MLKL: variants seen among roughly 807,000 people sequenced by gnomAD.
MLKL encodes mixed lineage kinase domain-like protein.
Under a neutral mutation model 56.5 loss-of-function variants are expected in MLKL, and 55 were observed. The ratio of observed to expected loss-of-function variants is 0.97; its 90% confidence interval spans 0.78 to 1.22. The LOEUF (loss-of-function observed/expected upper bound fraction) is 1.22, where lower values mean the gene tolerates loss of function less well. Among genes scored for constraint, MLKL ranks in the 50% most tolerant of loss-of-function variants. MLKL has a pLI of 0.00. For synonymous variants in MLKL, 251 were observed against 208.3 expected, an observed-to-expected ratio of 1.20 and a Z score of -1.76; for missense variants, 694 against 573.9, an observed-to-expected ratio of 1.21 and a Z score of -2.14.
intron 7 of MLKL, chr16:74,678,340 G>A (rs898768105): frequency 1.9e-5 from 3 of 155,516 alleles, no homozygotes; most frequent in African/African-American, 7.2e-5. Flanking sequence ...CATCTAAGGG[G>A]AAATGACTTG....
In MLKL at chr16:74,678,997, C is replaced by T. The variant is rs772401816; in HGVS notation, c.957-17G>A. On this transcript the variant is annotated splice_polypyrimidine_tract_variant and intron_variant, in intron 6 of 10. Coordinates refer to ENST00000308807, the MANE Select transcript of MLKL (RefSeq NM_152649.4). ...TGGTGTAGCCTGACACAGCCAAAGG[C>T]GGGGAGCATAAGTACCTTTGCCCAA... is the stretch of plus-strand genomic sequence containing the variant. 21 of 1,610,742 alleles carry T rather than the reference C, an allele frequency of 1.3e-5. No homozygotes were observed. The highest frequency in any genetic ancestry group is 6.6e-5 in the South Asian group (6 of 90,970).
chr16:74,689,210 G>T (rs138311906), intron 4 of MLKL, among the ~76,000 whole-genome samples: 1 of 151,714 alleles, frequency 6.6e-6, no homozygotes, highest in Non-Finnish European at 1.5e-5. Flanking sequence ...GGCCTCCAAG[G>T]TTCAAGTGAT....
In MLKL at chr16:74,691,427, T is replaced by C. The variant is rs770169241; in HGVS notation, c.572A>G (p.Glu191Gly). The part of the protein sequence containing the change: ...PPKCMQEIPQ[E>G]QIKEIKKEQL... The stretch of plus-strand genomic sequence containing the variant: ...CTCCTTCTTGATCTCCTTGATTTGC[T>C]CTTGCGGGATCTCCTGCATGCATTT... Residue 191 changes from glutamate to glycine, a missense_variant, in exon 4 of 11, where the codon GAG becomes GGG. By Grantham distance (98) the Glu-to-Gly change is moderately conservative. Transcript: ENST00000308807. The C allele has an allele frequency of 2.0e-5, 33 of 1,613,878 alleles. No homozygotes were observed. The highest frequency in any genetic ancestry group is 2.2e-5 in the Non-Finnish European group (26 of 1,180,010).
intron 4 of MLKL, among the ~76,000 whole-genome samples, chr16:74,689,570 T>C (rs1960545447): frequency 6.6e-6 from 1 of 152,192 alleles, no homozygotes; most frequent in Non-Finnish European, 1.5e-5. Flanking sequence ...TTGATATTTA[T>C]TCAGCTAAGT....
At chr16:74,693,672 A>T (rs1026698083) in intron 2 of MLKL, among the ~76,000 whole-genome samples, 3 of 146,018 alleles carry the variant, frequency 2.1e-5, no homozygotes, top group Non-Finnish European at 4.5e-5. Context: ...GAGCGATCTC[A>T]GCTCACTGCA....
At chr16:74,693,907 T>C (rs952750780) in intron 2 of MLKL, among the ~76,000 whole-genome samples, 2 of 152,068 alleles carry the variant, frequency 1.3e-5, no homozygotes, top group African/African-American at 4.8e-5. Flanking sequence ...CTGGCCGAAA[T>C]GGTAAATTTT....
intron 1 of MLKL, among the ~76,000 whole-genome samples, chr16:74,698,836 G>A (rs547053463): frequency 7.2e-5 from 11 of 152,218 alleles, no homozygotes; most frequent in Non-Finnish European, 1.2e-4. Context: ...AAATTGCAGC[G>A]GTCACATTGG....
Position 74,682,663 on chromosome 16 carries a change from C to A in MLKL, c.944G>T (p.Arg315Leu). The A allele has an allele frequency of 1.2e-6, 2 of 1,614,108 alleles. No individual in the cohort carries two copies. Among genetic ancestry groups the A allele is most frequent in the Non-Finnish European group, 1.7e-6 (2 of 1,180,022 alleles). Residue 315 changes from arginine to leucine, a missense_variant, in exon 6 of 11, where the codon CGA becomes CTA. Coordinates refer to ENST00000308807, the MANE Select transcript of MLKL (RefSeq NM_152649.4). ...CACCCCGTCTTACCGGTATAGGCCTCGGGCTGCCCCCAGGACTAGGACCAT... is the reference window on the plus strand; with the variant it reads ...CACCCCGTCTTACCGGTATAGGCCTAGGGCTGCCCCCAGGACTAGGACCAT... The part of the protein sequence containing the change: ...KRMVLVLGAA[R>L]GLYRLHHSEA...
At chr16:74,694,386 T>G (rs573479133) in intron 2 of MLKL, among the ~76,000 whole-genome samples, 28 of 152,168 alleles carry the variant, frequency 1.8e-4, no homozygotes, top group African/African-American at 6.5e-4. Context: ...GGAGGGAGAT[T>G]TACTTCTCAC....
At position 74,674,990 on chromosome 16, in the gene MLKL, G is replaced by A. The variant is rs773746539; in HGVS notation, c.1351C>T (p.His451Tyr). ...ACAGAGGGCCGCACAGAGGGATCAT[G>A]GGCCCGGCACTCATCAATGATCTCC... ...LREIIDECRAHDPSVRPSVDE... is the reference protein window; with the variant it reads ...LREIIDECRAYDPSVRPSVDE... The change falls in exon 10 of 11, where the codon CAT (histidine) becomes TAT (tyrosine). Residue 451 changes from histidine (H) to tyrosine (Y), a missense_variant. Physicochemically the swap from His to Tyr is moderately conservative, Grantham distance 83. Coordinates refer to ENST00000308807, the MANE Select transcript of MLKL (RefSeq NM_152649.4). 8.1e-6 allele frequency: 13 copies of A among 1,614,044 alleles called. No homozygotes were observed. Among genetic ancestry groups the A allele is most frequent in the Non-Finnish European group, 1.1e-5 (13 of 1,180,040 alleles).
At chr16:74,694,358 A>C (rs900954889) in intron 2 of MLKL, among the ~76,000 whole-genome samples, 1 of 152,190 alleles carries the variant, frequency 6.6e-6, no homozygotes, top group Non-Finnish European at 1.5e-5. Flanking sequence ...AAAGGGAAAC[A>C]GGGGCCCCTG....
At chr16:74,674,914 G>A (rs2144441747) in intron 10 of MLKL, 46 bp downstream of exon 10, 2 of 1,582,848 alleles carry the variant, frequency 1.3e-6, no homozygotes, top group Non-Finnish European at 8.6e-7. Context: ...TCACAAGTGT[G>A]AAATAATGAT....
intron 7 of MLKL, chr16:74,678,384 G>T (rs77628748): frequency 0.031 from 4,854 of 157,730 alleles, 94 homozygotes; most frequent in Middle Eastern, 0.087. Context: ...AGTGAGGGAA[G>T]GCAGTCATCA....
In MLKL at chr16:74,695,301, T is replaced by G. The variant is rs751660254; in HGVS notation, c.457A>C (p.Arg153=). ...CCCCACCAAAGACCCAGCTTGCCTC[T>G]TCTTAGCATCTGGAAAGCTCGCCTG... ...EDRRAFQMLR[R]DNEKIEASLR... is the part of the protein sequence containing the mutation. Residue 153 remains arginine, a synonymous_variant, in exon 2 of 11, where the codon AGA becomes CGA. Transcript: ENST00000308807. 11 of 1,612,954 alleles carry G rather than the reference T, an allele frequency of 6.8e-6. No homozygotes were observed. In the South Asian group the frequency reaches 1.1e-4, roughly 16 times the overall value.
chr16:74,695,452 G>A lies in MLKL; in HGVS notation c.306C>T (p.Asn102=). ...SQDKILFKDV[N]RKLSDVWKEL... is the part of the protein sequence containing the mutation. ...CCTTCCAGACATCACTCAGCTTCCTGTTCACGTCCTTGAAGAGTATTTTGT... is the reference window on the plus strand; with the variant it reads ...CCTTCCAGACATCACTCAGCTTCCTATTCACGTCCTTGAAGAGTATTTTGT... The change falls in exon 2 of 11, where the codon AAC becomes AAT. Residue 102 remains asparagine, a synonymous_variant. Transcript: ENST00000308807. 6.2e-7 allele frequency: 1 copy of A among 1,614,214 alleles called. No individual in the cohort carries two copies. The highest frequency in any genetic ancestry group is 8.5e-7 in the Non-Finnish European group (1 of 1,180,046).
At chr16:74,673,574 T>TGA (rs1959374901) in intron 10 of MLKL, among the ~76,000 whole-genome samples, 1 of 151,780 alleles carries the variant, frequency 6.6e-6, no homozygotes, top group Non-Finnish European at 1.5e-5. Flanking sequence ...GTCTAGGGTA[T>TGA]GAGAGAGAGA....
At chr16:74,692,029 T>C (rs1681592910) in intron 3 of MLKL, among the ~76,000 whole-genome samples, 1 of 152,230 alleles carries the variant, frequency 6.6e-6, no homozygotes, top group South Asian at 2.1e-4. Flanking sequence ...TGAGTGGGCA[T>C]TTTAAATTTG....
At chr16:74,689,136 T>C (rs1256144562) in intron 4 of MLKL, among the ~76,000 whole-genome samples, 1 of 150,294 alleles carries the variant, frequency 6.7e-6, no homozygotes, top group African/African-American at 2.5e-5. Flanking sequence ...TTTTTTTTTG[T>C]TGGAGTCTTG....
At chr16:74,685,372 C>T (rs1277360718) in intron 5 of MLKL, 114 bp downstream of exon 5, 3 of 757,246 alleles carry the variant, frequency 4.0e-6, no homozygotes, top group African/African-American at 1.8e-5. Context: ...ATAATAATCA[C>T]ACTTTGTGGA....
Sources: gnomAD v4.1 joint callset for allele counts (sites outside exome capture counted in the v4.1 genomes callset) on GRCh38, gnomAD v4.1.1 for gene constraint, MANE v1.5 for transcripts, NCBI Gene and HGNC (gene_info 2026-07-23, HGNC 2026-07-21) for gene names.